MTSS1: variants seen among roughly 807,000 people sequenced by gnomAD.
MTSS1 encodes MTSS I-BAR domain containing 1, also known as protein MTSS 1.
MTSS1 carries 18 observed loss-of-function variants against 79.0 expected under a neutral mutation model. That is an observed-to-expected ratio of 0.23 (90% CI 0.16 to 0.34). The LOEUF (loss-of-function observed/expected upper bound fraction) is 0.34, where lower values mean the gene tolerates loss of function less well. Among genes scored for constraint, MTSS1 ranks in the 10% least tolerant of loss-of-function variants. MTSS1 has a pLI of 1.00. For synonymous variants in MTSS1, 341 were observed against 368.6 expected (o/e 0.93, Z 0.86); for missense variants, 815 against 986.2 (o/e 0.83, Z 2.33).
chr8:124,652,595 G>A (rs560131100), intron 3 of MTSS1, among the ~76,000 whole-genome samples: 1 of 150,462 alleles, frequency 6.6e-6, no homozygotes, highest in Non-Finnish European at 1.5e-5. Context: ...AAGATTTGGA[G>A]ACCAGCCTGG....
intron 3 of MTSS1, among the ~76,000 whole-genome samples, chr8:124,668,043 G>A (rs1410169012): frequency 6.6e-6 from 1 of 150,530 alleles, no homozygotes; most frequent in Non-Finnish European, 1.5e-5. Context: ...AGCCATGATC[G>A]CGCCACTGCA....
intron 6 of MTSS1, among the ~76,000 whole-genome samples, chr8:124,573,114 A>G (rs980493042): frequency 1.3e-5 from 2 of 152,228 alleles, no homozygotes; most frequent in African/African-American, 4.8e-5. Flanking sequence ...GCAAGAAAAG[A>G]ACAATATCCT....
intron 3 of MTSS1, among the ~76,000 whole-genome samples, chr8:124,675,517 A>C (rs934037971): frequency 1.3e-5 from 2 of 152,220 alleles, no homozygotes; most frequent in African/African-American, 4.8e-5. Flanking sequence ...AATTGACATA[A>C]GACAAAATCA....
chr8:124,696,169 G>A (rs1828783456), intron 3 of MTSS1, among the ~76,000 whole-genome samples: 1 of 151,860 alleles, frequency 6.6e-6, no homozygotes. Flanking sequence ...TATACTTTTA[G>A]TAGAGACAGG....
At chr8:124,671,470 T>C (rs1261748313) in intron 3 of MTSS1, among the ~76,000 whole-genome samples, 2 of 152,140 alleles carry the variant, frequency 1.3e-5, no homozygotes, top group East Asian at 3.8e-4. Context: ...CCCCCTTCAC[T>C]AGTCTCGCCC....
rs1038568977 is a variant in MTSS1, at chr8:124,557,808, A to C, written c.1103T>G (p.Leu368Arg). 6.2e-7 allele frequency: 1 copy of C among 1,603,690 alleles called. No individual in the cohort carries two copies. The highest frequency in any genetic ancestry group is 1.3e-5 in the African/African-American group (1 of 74,606). ...GGAGGCAGGCAGGCAATGAGGGAAA[A>C]GGCCTGCACCCGTGGGCCCCACGTG... The part of the protein sequence containing the change: ...ESHVGPTGAG[L>R]FPHCLPASRL... Residue 368 changes from leucine to arginine, a missense_variant, in exon 11 of 14, where the codon CTT becomes CGT. By Grantham distance (102) the Leu-to-Arg change is moderately radical (BLOSUM62 -2). Around this residue, in one of 2 missense-constraint regions of MTSS1, gnomAD observed 590 missense variants for 620.8 expected, o/e 0.95. Coordinates refer to ENST00000518547, the MANE Select transcript of MTSS1 (RefSeq NM_014751.6).
At chr8:124,718,474 A>G (rs553386356) in intron 1 of MTSS1, among the ~76,000 whole-genome samples, 105 of 152,018 alleles carry the variant, frequency 6.9e-4, no homozygotes, top group African/African-American at 2.3e-3. Flanking sequence ...CCTGTTTCCT[A>G]TTGGGGTGCC....
At chr8:124,554,825 G>C (rs1037624668) in intron 13 of MTSS1, among the ~76,000 whole-genome samples, 3 of 152,222 alleles carry the variant, frequency 2.0e-5, no homozygotes, top group African/African-American at 7.2e-5. Flanking sequence ...AAAGTGTGTA[G>C]TGCAAAGTGC....
Position 124,628,338 on chromosome 8 carries a change from C to T in MTSS1, c.209-37103G>A, listed in dbSNP as rs148854333. Among the ~76,000 whole-genome samples, 11 of 152,320 alleles carry T rather than the reference C, an allele frequency of 7.2e-5. No individual in the cohort carries two copies. The East Asian group carries it at 2.1e-3, about 29-fold the overall frequency. On this transcript the variant is annotated intron_variant, in intron 3 of 13. Coordinates refer to ENST00000518547, the MANE Select transcript of MTSS1 (RefSeq NM_014751.6). ...CTTATCATCCGACTCCCAGATCATA[C>T]TCCCCAGGACACGGCACCAATTATC...
chr8:124,722,018 T>C (rs1833020228), intron 1 of MTSS1, among the ~76,000 whole-genome samples: 1 of 152,140 alleles, frequency 6.6e-6, no homozygotes, highest in Non-Finnish European at 1.5e-5. Context: ...CCCACCTCCA[T>C]GCCCAGGAAG....
chr8:124,669,751 C>A (rs1048215803), intron 3 of MTSS1, among the ~76,000 whole-genome samples: 3 of 152,256 alleles, frequency 2.0e-5, no homozygotes, highest in Middle Eastern at 3.4e-3. Context: ...TTTGGCTAAG[C>A]AAAGTTAATG....
chr8:124,623,675 C>T (rs1208079962), intron 3 of MTSS1, among the ~76,000 whole-genome samples: 1 of 152,068 alleles, frequency 6.6e-6, no homozygotes, highest in Non-Finnish European at 1.5e-5. Context: ...GCTCTGTCAC[C>T]CAGGCTGGAG....
At chr8:124,639,027 G>C (rs947262555) in intron 3 of MTSS1, among the ~76,000 whole-genome samples, 1 of 152,102 alleles carries the variant, frequency 6.6e-6, no homozygotes, top group Non-Finnish European at 1.5e-5. Context: ...ATGTAGCAAG[G>C]GGCTAAATTA....
intron 7 of MTSS1, 53 bp from the exon 8 acceptor site, chr8:124,567,231 C>T (rs1431083348): frequency 1.5e-5 from 21 of 1,390,900 alleles, no homozygotes; most frequent in South Asian, 3.5e-5. Flanking sequence ...TTCCCTTCAT[C>T]GCTCTAGTCC....
At chr8:124,555,537 C>T (rs749165240) in intron 13 of MTSS1, among the ~76,000 whole-genome samples, 5 of 152,212 alleles carry the variant, frequency 3.3e-5, no homozygotes, top group South Asian at 2.1e-4. Flanking sequence ...TGAGCCACTG[C>T]GCCCGACCCC....
intron 10 of MTSS1, among the ~76,000 whole-genome samples, chr8:124,561,459 T>C (rs1825296875): frequency 6.6e-6 from 1 of 152,146 alleles, no homozygotes; most frequent in Non-Finnish European, 1.5e-5. Context: ...CTAGAGTTGC[T>C]AGCCACGCAT....
At chr8:124,667,856 T>C (rs1477285595) in intron 3 of MTSS1, among the ~76,000 whole-genome samples, 2 of 151,390 alleles carry the variant, frequency 1.3e-5, no homozygotes, top group African/African-American at 2.4e-5. Flanking sequence ...GGTGGGAGGA[T>C]TGCTTGAGCC....
chr8:124,658,202 A>C (rs980570898), intron 3 of MTSS1, among the ~76,000 whole-genome samples: 1 of 152,210 alleles, frequency 6.6e-6, no homozygotes, highest in Non-Finnish European at 1.5e-5. Context: ...TGTAGCTCTC[A>C]TAATTCCCAT....
chr8:124,586,844 T>C (rs772190088), intron 5 of MTSS1, among the ~76,000 whole-genome samples: 6 of 152,150 alleles, frequency 3.9e-5, no homozygotes, highest in Non-Finnish European at 8.8e-5. Flanking sequence ...GACGTGCTTC[T>C]CTGTATGCAG....
Sources: allele counts gnomAD v4.1 joint callset (sites outside exome capture counted in the v4.1 genomes callset), GRCh38; gene constraint gnomAD v4.1.1; regional missense constraint gnomAD v4.1.1; transcripts MANE v1.5; gene names NCBI Gene and HGNC (gene_info 2026-07-23, HGNC 2026-07-21).